The following SYNDIG1 variants were observed in gnomAD, a reference collection of about 807,000 sequenced individuals.
The protein encoded by SYNDIG1 is synapse differentiation inducing 1.
Under a neutral mutation model 19.4 loss-of-function variants are expected in SYNDIG1, and 9 were observed. The observed-to-expected ratio is 0.46, with a 90% CI of 0.28 to 0.81. The LOEUF is 0.81. Among genes scored for constraint, SYNDIG1 ranks in the 30% least tolerant of loss-of-function variants. SYNDIG1 has a pLI of 0.12. For synonymous variants in SYNDIG1, 141 were observed against 145.9 expected, an observed-to-expected ratio of 0.97 and a Z score of 0.24; for missense variants, 311 against 343.3, an observed-to-expected ratio of 0.91 and a Z score of 0.74.
chr20:24,502,013 C>T lies in SYNDIG1; in HGVS notation c.-79+32260C>T, dbSNP rs578030200. On this transcript the variant is annotated intron_variant, in intron 1 of 3. Transcript: ENST00000376862. ...CCCACGAGCAGCCCTTGGCCAGTGG[C>T]GGGCAGGACGTTGCTGGGAAGATGC... is the stretch of plus-strand genomic sequence containing the variant. 6.6e-5 allele frequency among the ~76,000 whole-genome samples: 10 copies of T among 152,326 alleles called. No homozygotes were observed. The South Asian group carries it at 1.5e-3, about 22-fold the overall frequency.
intron 1 of SYNDIG1, among the ~76,000 whole-genome samples, chr20:24,520,534 A>G (rs1282559781): frequency 6.6e-6 from 1 of 151,982 alleles, no homozygotes; most frequent in Non-Finnish European, 1.5e-5. Context: ...CTCTACTAAA[A>G]ATACAAAAAT....
At chr20:24,616,201 A>G (rs1261825237) in intron 3 of SYNDIG1, among the ~76,000 whole-genome samples, 2 of 152,144 alleles carry the variant, frequency 1.3e-5, no homozygotes, top group African/African-American at 4.8e-5. Flanking sequence ...CTCTATTTCA[A>G]TATATTTGGT....
intron 3 of SYNDIG1, among the ~76,000 whole-genome samples, chr20:24,632,670 G>A (rs1159289361): frequency 1.3e-5 from 2 of 152,190 alleles, no homozygotes; most frequent in South Asian, 2.1e-4. Flanking sequence ...CAAGAGTCCA[G>A]GTAACAAGAT....
At chr20:24,631,093 C>T (rs916012596) in intron 3 of SYNDIG1, among the ~76,000 whole-genome samples, 9 of 152,284 alleles carry the variant, frequency 5.9e-5, no homozygotes, top group East Asian at 1.9e-4. Flanking sequence ...ATCAACACTG[C>T]CCCAAAAGTC....
chr20:24,546,982 C>T (rs766029873), intron 2 of SYNDIG1, among the ~76,000 whole-genome samples: 4 of 152,146 alleles, frequency 2.6e-5, no homozygotes, highest in African/African-American at 7.2e-5. Context: ...CAAATAATGC[C>T]GTTTTCAAAA....
chr20:24,596,007 T>C (rs2147097880), intron 3 of SYNDIG1, among the ~76,000 whole-genome samples: 3 of 152,308 alleles, frequency 2.0e-5, no homozygotes, highest in Middle Eastern at 6.8e-3. Flanking sequence ...GCTTTGGGGT[T>C]GGTTTGCTCT....
At chr20:24,625,108 G>A (rs1370670206) in intron 3 of SYNDIG1, among the ~76,000 whole-genome samples, 1 of 152,070 alleles carries the variant, frequency 6.6e-6, no homozygotes, top group Non-Finnish European at 1.5e-5. Context: ...GATTCAATAT[G>A]TATAATCTAA....
intron 1 of SYNDIG1, among the ~76,000 whole-genome samples, chr20:24,471,850 A>G (rs2146178741): frequency 6.6e-6 from 1 of 152,288 alleles, no homozygotes; most frequent in Non-Finnish European, 1.5e-5. Context: ...TAGGTTAATT[A>G]GCTCCATTCA....
intron 1 of SYNDIG1, among the ~76,000 whole-genome samples, chr20:24,510,716 T>C (rs2056724982): frequency 6.6e-6 from 1 of 152,240 alleles, no homozygotes; most frequent in Admixed American, 6.5e-5. Context: ...TCACATCTTT[T>C]ATTAGTTCTG....
At chr20:24,660,071 C>G (rs557773373) in intron 3 of SYNDIG1, among the ~76,000 whole-genome samples, 1 of 152,214 alleles carries the variant, frequency 6.6e-6, no homozygotes, top group Admixed American at 6.5e-5. Flanking sequence ...TTGTTCATCA[C>G]TGTGTCTCTG....
At chr20:24,483,379 A>G (rs1196213132) in intron 1 of SYNDIG1, among the ~76,000 whole-genome samples, 2 of 152,184 alleles carry the variant, frequency 1.3e-5, no homozygotes, top group Non-Finnish European at 2.9e-5. Flanking sequence ...ATCCTTGATT[A>G]CTGTTTTGAT....
intron 3 of SYNDIG1, among the ~76,000 whole-genome samples, chr20:24,609,050 G>A (rs545186868): frequency 8.5e-5 from 13 of 152,234 alleles, no homozygotes; most frequent in South Asian, 8.3e-4. Context: ...GCTATTTTAC[G>A]TACGTCTCAG....
At chr20:24,475,421 C>T (rs2055590114) in intron 1 of SYNDIG1, among the ~76,000 whole-genome samples, 1 of 152,246 alleles carries the variant, frequency 6.6e-6, no homozygotes, top group African/African-American at 2.4e-5. Flanking sequence ...CAGCCTCAGC[C>T]CATCACCCAT....
At chr20:24,618,089 G>T (rs140860150) in intron 3 of SYNDIG1, among the ~76,000 whole-genome samples, 2,535 of 140,826 alleles carry the variant, frequency 0.018, 52 homozygotes, top group Non-Finnish European at 0.026. Context: ...GCTCGGGTAG[G>T]GGGGAACCCG....
At chr20:24,481,347 G>A (rs1464171239) in intron 1 of SYNDIG1, among the ~76,000 whole-genome samples, 1 of 152,170 alleles carries the variant, frequency 6.6e-6, no homozygotes, top group Non-Finnish European at 1.5e-5. Flanking sequence ...CATGGCTGGG[G>A]CTGGAGTCCT....
rs112715806 is a variant in SYNDIG1 at position 24,662,400 on chromosome 20, T to C, written c.619-2946T>C. ...TTCCAGAACCGCAGTGCACAAATCA[T>C]GTTCCAGTGTGGGCTGTGCAGGAGC... On this transcript the variant is annotated intron_variant, in intron 3 of 3. Coordinates refer to ENST00000376862, the MANE Select transcript of SYNDIG1 (RefSeq NM_024893.3). Among the ~76,000 whole-genome samples the C allele has an allele frequency of 3.3e-5, 5 of 152,228 alleles. 1 individual carries two copies. The highest frequency in any genetic ancestry group is 9.6e-5 in the African/African-American group (4 of 41,560).
intron 3 of SYNDIG1, among the ~76,000 whole-genome samples, chr20:24,616,553 T>C (rs1016606872): frequency 2.6e-5 from 4 of 152,226 alleles, no homozygotes; most frequent in East Asian, 1.9e-4. Flanking sequence ...AGGGCCCAGG[T>C]TTCTGGGTTC....
chr20:24,608,091 G>T (rs114041504), intron 3 of SYNDIG1, among the ~76,000 whole-genome samples: 40 of 152,084 alleles, frequency 2.6e-4, no homozygotes, highest in African/African-American at 8.4e-4. Flanking sequence ...CCTAATAAAA[G>T]ATATTTTAAT....
chr20:24,614,719 G>A (rs556996141), intron 3 of SYNDIG1, among the ~76,000 whole-genome samples: 1 of 152,206 alleles, frequency 6.6e-6, no homozygotes, highest in African/African-American at 2.4e-5. Flanking sequence ...AGTTGTCAGG[G>A]TATAAATAAA....
Sources: allele counts gnomAD v4.1 joint callset (sites outside exome capture counted in the v4.1 genomes callset), GRCh38; gene constraint gnomAD v4.1.1; transcripts MANE v1.5; gene names NCBI Gene and HGNC (gene_info 2026-07-23, HGNC 2026-07-21).